DOCK1: variants seen among roughly 807,000 people sequenced by gnomAD.
DOCK1 encodes the protein dedicator of cytokinesis protein 1.
In DOCK1, 138 loss-of-function variants were observed where a neutral mutation model predicts 262.7. The ratio of observed to expected loss-of-function variants is 0.53; its 90% confidence interval spans 0.46 to 0.61. The LOEUF (loss-of-function observed/expected upper bound fraction) is 0.61, where lower values mean the gene tolerates loss of function less well. DOCK1 is among the 20% of genes least tolerant of loss of function. The pLI is 0.00. For synonymous variants in DOCK1, 866 were observed against 867.4 expected, an observed-to-expected ratio of 1.00 and a Z score of 0.03; for missense variants, 1,908 against 2,370.7, an observed-to-expected ratio of 0.80 and a Z score of 4.05.
chr10:127,217,872 G>A (rs1001743177), intron 27 of DOCK1, among the ~76,000 whole-genome samples: 1 of 151,990 alleles, frequency 6.6e-6, no homozygotes, highest in Non-Finnish European at 1.5e-5. Flanking sequence ...TTCATATCAC[G>A]GAAGTTAAAG....
intron 1 of DOCK1, among the ~76,000 whole-genome samples, chr10:126,962,471 T>C: frequency 6.6e-6 from 1 of 151,868 alleles, no homozygotes; most frequent in East Asian, 1.9e-4. Flanking sequence ...TTTTGGCATT[T>C]TTTTTAGTAG....
At chr10:126,963,616 TTCCCTTCCCTTCCCTTC>T (rs2037411103) in intron 1 of DOCK1, among the ~76,000 whole-genome samples, 1 of 58,358 alleles carries the variant, frequency 1.7e-5, no homozygotes, top group Non-Finnish European at 2.8e-5. Flanking sequence ...TTCCCTTCCC[TTCCCTTCCCTTCCCTTC>T]CCTTCCCTCC....
chr10:127,023,103 T>C, intron 13 of DOCK1, 97 bp from the exon 14 acceptor site: 2 of 1,337,142 alleles, frequency 1.5e-6, no homozygotes, highest in South Asian at 1.5e-5. Flanking sequence ...TATGTATTTG[T>C]AATAATCTAT....
chr10:127,194,750 CCCTGTGCTAT>C (rs1325434104), intron 27 of DOCK1, among the ~76,000 whole-genome samples: 8 of 152,202 alleles, frequency 5.3e-5, no homozygotes, highest in African/African-American at 1.9e-4. Context: ...CAGACGTCTA[CCCTGTGCTAT>C]CCTGAGCTGT....
rs541893210 is a variant in DOCK1 at position 127,338,013 on chromosome 10, C to T, written c.3045-993C>T. Among the ~76,000 whole-genome samples, 4 of 152,262 alleles carry T rather than the reference C, an allele frequency of 2.6e-5. No homozygotes were observed. In the East Asian group the frequency reaches 5.8e-4, roughly 22 times the overall value. On this transcript the variant is annotated intron_variant, in intron 29 of 51. Transcript: ENST00000623213. The stretch of plus-strand genomic sequence containing the variant: ...TTTAGCGGCTGTGACATGGCCAGGG[C>T]GTGGGGAGCTTCTCCAGGCACGCTT...
intron 31 of DOCK1, among the ~76,000 whole-genome samples, chr10:127,347,197 T>C (rs1377251626): frequency 1.3e-5 from 2 of 152,242 alleles, no homozygotes; most frequent in African/African-American, 2.4e-5. Flanking sequence ...GAAATGTGAT[T>C]TGTTTAAAAT....
chr10:127,271,641 A>G (rs1259763074), intron 29 of DOCK1, among the ~76,000 whole-genome samples: 2 of 152,142 alleles, frequency 1.3e-5, no homozygotes, highest in African/African-American at 2.4e-5. Context: ...TGGGGGGGAT[A>G]TCTCTTCTGA....
At position 127,187,791 on chromosome 10, in the gene DOCK1, CAAG is replaced by C. The variant is rs2056420445; in HGVS notation, c.2847+60028_2847+60030del. Among the ~76,000 whole-genome samples, 3 of 152,174 alleles carry C rather than the reference CAAG, an allele frequency of 2.0e-5. No individual in the cohort carries two copies. The South Asian group carries it at 6.2e-4, about 32-fold the overall frequency. The stretch of plus-strand genomic sequence containing the variant: ...GAAAAGAGAGAGAAAAGCAAGCAAG[CAAG>C]CAAGCAAAAGCAAAAGCATATTGGT... On this transcript the variant is annotated intron_variant, in intron 27 of 51. Transcript: ENST00000623213.
At chr10:127,098,083 C>T (rs909703859) in intron 23 of DOCK1, among the ~76,000 whole-genome samples, 6 of 152,232 alleles carry the variant, frequency 3.9e-5, no homozygotes, top group African/African-American at 1.2e-4. Flanking sequence ...CTTGCCAGTG[C>T]CTGGGAGGCA....
At chr10:127,146,428 T>C (rs2051859686) in intron 27 of DOCK1, among the ~76,000 whole-genome samples, 2 of 152,184 alleles carry the variant, frequency 1.3e-5, no homozygotes, top group Admixed American at 1.3e-4. Flanking sequence ...ATAAATAATA[T>C]ATTTTTGGAT....
intron 31 of DOCK1, among the ~76,000 whole-genome samples, chr10:127,345,464 C>A (rs552839110): frequency 2.6e-5 from 4 of 152,284 alleles, no homozygotes; most frequent in African/African-American, 9.6e-5. Flanking sequence ...GCTTTTAGAA[C>A]CTTCGAGCTT....
chr10:127,023,823 A>G (rs2042626774), intron 14 of DOCK1, among the ~76,000 whole-genome samples: 1 of 152,140 alleles, frequency 6.6e-6, no homozygotes, highest in Admixed American at 6.5e-5. Context: ...AAGGTCTAGC[A>G]GTCACACTAG....
At chr10:127,027,740 A>G (rs897869296) in intron 16 of DOCK1, among the ~76,000 whole-genome samples, 6 of 152,118 alleles carry the variant, frequency 3.9e-5, no homozygotes, top group South Asian at 2.1e-4. Flanking sequence ...GTGTTCATTC[A>G]CCTGACTATT....
At chr10:127,156,980 T>G (rs147435604) in intron 27 of DOCK1, among the ~76,000 whole-genome samples, 93 of 152,358 alleles carry the variant, frequency 6.1e-4, no homozygotes, top group African/African-American at 2.1e-3. Flanking sequence ...AAGTACATAC[T>G]AAGTGTGAAA....
intron 1 of DOCK1, among the ~76,000 whole-genome samples, chr10:126,928,205 G>A (rs939271581): frequency 6.6e-6 from 1 of 152,212 alleles, no homozygotes; most frequent in Non-Finnish European, 1.5e-5. Context: ...GAGCCTCCCA[G>A]GTCGAATAAG....
intron 1 of DOCK1, among the ~76,000 whole-genome samples, chr10:126,943,225 C>G (rs1342040823): frequency 3.3e-5 from 5 of 152,194 alleles, no homozygotes; most frequent in Admixed American, 6.5e-5. Context: ...TGCACTCCAG[C>G]CTGGGTGACA....
rs116199223 is a variant in DOCK1, at chr10:126,974,729, A to G, written c.131-3219A>G. On this transcript the variant is annotated intron_variant, in intron 2 of 51. Transcript: ENST00000623213. ...CAGCAGGGTTTGTGGTGTGACCCCT[A>G]CTTGTCTTAGGGCACTTCCAGTTTC... Among the ~76,000 whole-genome samples the G allele has an allele frequency of 9.8e-3, 1,497 of 152,096 alleles. 24 individuals carry two copies. Among genetic ancestry groups the G allele is most frequent in the African/African-American group, 0.033 (1,353 of 41,502 alleles).
chr10:127,346,440 A>G (rs1382317734), intron 31 of DOCK1, among the ~76,000 whole-genome samples: 5 of 152,138 alleles, frequency 3.3e-5, no homozygotes, highest in Admixed American at 6.5e-5. Context: ...CACAAAAAAT[A>G]CAAAAATTAG....
At chr10:127,330,408 GAA>G (rs1221721146) in intron 29 of DOCK1, among the ~76,000 whole-genome samples, 1 of 135,156 alleles carries the variant, frequency 7.4e-6, no homozygotes, top group African/African-American at 2.7e-5. Flanking sequence ...GGCTACATCA[GAA>G]AAAAAAAAAA....
Sources: allele counts gnomAD v4.1 joint callset (sites outside exome capture counted in the v4.1 genomes callset), GRCh38; gene constraint gnomAD v4.1.1; transcripts MANE v1.5; gene names NCBI Gene and HGNC (gene_info 2026-07-23, HGNC 2026-07-21).